The following FBXO31 variants were observed in gnomAD, a reference collection of about 807,000 sequenced individuals.
The protein encoded by FBXO31 is F-box protein 31.
A neutral mutation model predicts 54.4 loss-of-function variants in FBXO31; 24 were observed. The observed-to-expected ratio is 0.44, with a 90% CI of 0.32 to 0.62. FBXO31 has a LOEUF of 0.62. Ranked by LOEUF, FBXO31 falls within the 20% of genes least tolerant of loss-of-function variation. The pLI, the probability that FBXO31 is intolerant of heterozygous loss-of-function variation, is 0.05. For missense variants in FBXO31, 665 were observed against 787.1 expected (o/e 0.84, Z 1.86); for synonymous variants, 388 against 335.6 (o/e 1.16, Z -1.71).
At chr16:87,362,814 C>G (rs1254441901) in intron 1 of FBXO31, among the ~76,000 whole-genome samples, 1 of 152,224 alleles carries the variant, frequency 6.6e-6, no homozygotes, top group East Asian at 1.9e-4. Flanking sequence ...GATCTGGCCT[C>G]CCAAAGTGCT....
At chr16:87,339,397 C>T (rs942120022) in intron 5 of FBXO31, among the ~76,000 whole-genome samples, 5 of 152,198 alleles carry the variant, frequency 3.3e-5, no homozygotes, top group South Asian at 2.1e-4. Flanking sequence ...AACCCCTACA[C>T]GTCGTGAGAG....
intron 1 of FBXO31, among the ~76,000 whole-genome samples, chr16:87,361,408 C>T (rs185481964): frequency 1.1e-3 from 168 of 152,330 alleles, no homozygotes; most frequent in Non-Finnish European, 2.0e-3. Context: ...GGAGACGGGA[C>T]GAGGTGGCTG....
Position 87,331,176 on chromosome 16 carries a change from G to GTA in FBXO31, c.*111_*112insTA. 1.9e-6 allele frequency: 2 copies of GTA among 1,032,794 alleles called. No homozygotes were observed. Among genetic ancestry groups the GTA allele is most frequent in the South Asian group, 3.0e-5 (2 of 65,774 alleles). 64.0% of individuals were successfully genotyped at this position (1,032,794 alleles called of 1,614,324 possible). On this transcript the variant is annotated 3_prime_UTR_variant, in exon 9 of 9. Transcript: ENST00000311635. ...TGGCTGGACTGGGCCCCCCGACGAG[G>GTA]TGTGCGTTCTGGTCAAAAGGCCGGA... is the stretch of plus-strand genomic sequence containing the variant.
upstream of FBXO31, chr16:87,384,251 C>T (rs549588171): frequency 6.6e-6 from 1 of 152,410 alleles, no homozygotes; most frequent in South Asian, 2.1e-4. Context: ...CAGCCAGAAC[C>T]CCAAAGGGCG....
chr16:87,337,965 G>C (rs55634489), intron 5 of FBXO31, among the ~76,000 whole-genome samples: 3,147 of 152,200 alleles, frequency 0.021, 43 homozygotes, highest in African/African-American at 0.038. Context: ...ATTAAAACCT[G>C]AGTGGCTGAA....
chr16:87,336,214 G>A lies in FBXO31; in HGVS notation c.783C>T (p.Ile261=), dbSNP rs1905042188. ...REEWGRTLED[I]FHEHMQELIL... is the part of the protein sequence containing the mutation. ...TGAGCTCCTGCATGTGCTCGTGGAA[G>A]ATGTCCTCCAGCGTGCGCCCCCATT... Residue 261 remains isoleucine, a synonymous_variant, in exon 6 of 9, where the codon ATC becomes ATT. Coordinates refer to ENST00000311635, the MANE Select transcript of FBXO31 (RefSeq NM_024735.5). This position sits in a 1 kb window ranked among gnomAD's most constrained non-coding sequence, Gnocchi z 6.5. 1 of 1,614,098 alleles carries A rather than the reference G, an allele frequency of 6.2e-7. No individual in the cohort carries two copies. Among genetic ancestry groups the A allele is most frequent in the Admixed American group, 1.7e-5 (1 of 60,014 alleles).
chr16:87,370,413 C>T (rs1413691572), intron 1 of FBXO31, among the ~76,000 whole-genome samples: 1 of 152,244 alleles, frequency 6.6e-6, no homozygotes, highest in Non-Finnish European at 1.5e-5. Flanking sequence ...AGGCACCACA[C>T]TAAGATGCCA....
At position 87,363,897 on chromosome 16, in the gene FBXO31, C is replaced by G. The variant is rs541933212; in HGVS notation, c.341-3531G>C. On this transcript the variant is annotated intron_variant, in intron 1 of 8. Transcript: ENST00000311635. ...GGACCGGATCATCTGTCAGCTCCCC[C>G]TTCCGAGCTCTCAACATCCTACGAT... is the stretch of plus-strand genomic sequence containing the variant. Among the ~76,000 whole-genome samples, 7 of 152,342 alleles carry G rather than the reference C, an allele frequency of 4.6e-5. No homozygotes were observed. In the South Asian group the frequency reaches 8.3e-4, roughly 18 times the overall value.
upstream of FBXO31, among the ~76,000 whole-genome samples, chr16:87,385,001 C>A (rs1907276641): frequency 6.6e-6 from 1 of 150,708 alleles, no homozygotes; most frequent in African/African-American, 2.4e-5. Context: ...ATGGTGAAAC[C>A]CTGTCTCTTC....
intron 1 of FBXO31, among the ~76,000 whole-genome samples, chr16:87,380,795 G>C (rs1283357141): frequency 6.6e-6 from 1 of 152,204 alleles, no homozygotes; most frequent in Non-Finnish European, 1.5e-5. Context: ...AGGATTGAAG[G>C]GTCCTATATC....
chr16:87,386,752 T>G (rs903503089), upstream of FBXO31, among the ~76,000 whole-genome samples: 2 of 152,188 alleles, frequency 1.3e-5, no homozygotes, highest in African/African-American at 2.4e-5. Flanking sequence ...GGTTTAGTAT[T>G]TGAGACATGT....
In FBXO31 at chr16:87,346,531, C is replaced by T. The variant is rs1046028454; in HGVS notation, c.489+643G>A. The stretch of plus-strand genomic sequence containing the variant: ...ACAGGCACTGCCATGGCAGACCCAA[C>T]GAACAGGAAAGAAATGTCCTCACGG... On this transcript the variant is annotated intron_variant, in intron 3 of 8. Transcript: ENST00000311635. The surrounding 1 kb of genome is among the most constrained non-coding windows in gnomAD (Gnocchi z 4.2). Among the ~76,000 whole-genome samples, 2 of 152,206 alleles carry T rather than the reference C, an allele frequency of 1.3e-5. No individual in the cohort carries two copies. The highest frequency in any genetic ancestry group is 2.4e-5 in the African/African-American group (1 of 41,444).
In FBXO31 at chr16:87,346,401, C is replaced by T. The variant is rs568183986; in HGVS notation, c.489+773G>A. Among the ~76,000 whole-genome samples, 2 of 152,186 alleles carry T rather than the reference C, an allele frequency of 1.3e-5. No homozygotes were observed. The highest frequency in any genetic ancestry group is 4.2e-4 in the South Asian group (2 of 4,816). On this transcript the variant is annotated intron_variant, in intron 3 of 8. Coordinates refer to ENST00000311635, the MANE Select transcript of FBXO31 (RefSeq NM_024735.5). This position sits in a 1 kb window ranked among gnomAD's most constrained non-coding sequence, Gnocchi z 4.2. ...CGAAAGAAACTTTCACTACTGTACC[C>T]AAAAAGATTAACAAAGAGAAGGAAA...
chr16:87,378,273 T>A lies in FBXO31; in HGVS notation c.340+5132A>T, dbSNP rs543485387. Among the ~76,000 whole-genome samples, 9 of 151,864 alleles carry A rather than the reference T, an allele frequency of 5.9e-5. No homozygotes were observed. In the South Asian group the frequency reaches 1.5e-3, roughly 25 times the overall value. On this transcript the variant is annotated intron_variant, in intron 1 of 8. Coordinates refer to ENST00000311635, the MANE Select transcript of FBXO31 (RefSeq NM_024735.5). Reference sequence around the variant, plus strand: ...GAAAGATAAATAAAATAAATCCAAATGATCAATAAATATATTTTTTAAATG... The same window carrying A: ...GAAAGATAAATAAAATAAATCCAAAAGATCAATAAATATATTTTTTAAATG...
intron 3 of FBXO31, among the ~76,000 whole-genome samples, chr16:87,344,826 A>T (rs1905310178): frequency 6.6e-6 from 1 of 152,144 alleles, no homozygotes; most frequent in African/African-American, 2.4e-5. Flanking sequence ...GTTTCTCCAC[A>T]GCGGCTCCCA....
chr16:87,382,482 C>T (rs993652127), intron 1 of FBXO31, among the ~76,000 whole-genome samples: 2 of 152,158 alleles, frequency 1.3e-5, no homozygotes, highest in Non-Finnish European at 2.9e-5. Flanking sequence ...GCCTTGAACT[C>T]CAGATTAAAT....
chr16:87,392,087 G>A (rs995111752), upstream of FBXO31: 8 of 240,610 alleles, frequency 3.3e-5, no homozygotes, highest in Non-Finnish European at 4.8e-5. Flanking sequence ...CGTCACCTCA[G>A]GGGCCTCAGG....
intron 2 of FBXO31, among the ~76,000 whole-genome samples, chr16:87,359,338 A>C (rs1269429295): frequency 6.6e-6 from 1 of 152,024 alleles, no homozygotes; most frequent in East Asian, 1.9e-4. Context: ...CCTCTCCCAC[A>C]GGACAGGAGG....
upstream of FBXO31, chr16:87,384,050 C>T (rs952743177): frequency 2.2e-5 from 4 of 177,834 alleles, no homozygotes; most frequent in African/African-American, 2.4e-5. Context: ...AACTCACGAC[C>T]TTCAGATTAT....
Sources: gnomAD v4.1 joint callset for allele counts (sites outside exome capture counted in the v4.1 genomes callset) on GRCh38, gnomAD v4.1.1 for gene constraint, Gnocchi (gnomAD v3.1) non-coding constraint, MANE v1.5 for transcripts, NCBI Gene and HGNC (gene_info 2026-07-23, HGNC 2026-07-21) for gene names.